Variants in HMCN1 observed in about 807,000 individuals in gnomAD.
HMCN1 encodes hemicentin-1.
A neutral mutation model predicts 625.9 loss-of-function variants in HMCN1; 321 were observed. The observed-to-expected ratio is 0.51, with a 90% CI of 0.47 to 0.56. The LOEUF (loss-of-function observed/expected upper bound fraction) is 0.56, where lower values mean the gene tolerates loss of function less well. Ranked by LOEUF, HMCN1 falls within the 20% of genes least tolerant of loss-of-function variation. The pLI, the probability that HMCN1 is intolerant of heterozygous loss-of-function variation, is 0.00. For synonymous variants in HMCN1, 2,425 were observed against 2,417.6 expected (o/e 1.00, Z -0.09); for missense variants, 6,588 against 6,887.3 (o/e 0.96, Z 1.54).
rs1488576001 is a variant in HMCN1, at chr1:186,041,021, T to C, written c.6189T>C (p.Ser2063=). Residue 2063 remains serine, a synonymous_variant, in exon 40 of 107, where the codon TCT becomes TCC. Transcript: ENST00000271588. ...GTTCTTACCATTGATAGGTTCTCTC[T>C]GGTGGTCGAATCCTAGCATTGACCA... The part of the protein sequence containing the change: ...SSFSNGLQVL[S]GGRILALTSA... 1 of 1,612,986 alleles carries C rather than the reference T, an allele frequency of 6.2e-7. No homozygotes were observed. The highest frequency in any genetic ancestry group is 1.3e-5 in the African/African-American group (1 of 74,972).
intron 76 of HMCN1, 102 bp downstream of exon 76, chr1:186,117,217 T>A (rs1204730705): frequency 2.0e-6 from 3 of 1,489,676 alleles, no homozygotes; most frequent in African/African-American, 2.8e-5. Flanking sequence ...TTTTAAACAT[T>A]TATTTTAAGT....
At chr1:185,952,916 G>A (rs980207441) in intron 11 of HMCN1, among the ~76,000 whole-genome samples, 7 of 149,370 alleles carry the variant, frequency 4.7e-5, no homozygotes, top group Non-Finnish European at 7.4e-5. Flanking sequence ...AGGTTGGGGT[G>A]CAGAAATAAG....
At chr1:186,025,798 GT>G (rs759874713) in intron 36 of HMCN1, among the ~76,000 whole-genome samples, 6 of 152,164 alleles carry the variant, frequency 3.9e-5, no homozygotes, top group Non-Finnish European at 7.3e-5. Flanking sequence ...GAAGCAGAAG[GT>G]TAGTCATTTT....
In HMCN1 at chr1:186,061,993, G is replaced by T. The variant is rs1384335358; in HGVS notation, c.7426+29G>T. On this transcript the variant is annotated intron_variant, in intron 47 of 106. Transcript: ENST00000271588. Reference sequence around the variant, plus strand: ...CTTATATAGTTTGCAATATCTAGAAGAAACTTAAATTGCCTTAAATCCTGG... The same window carrying T: ...CTTATATAGTTTGCAATATCTAGAATAAACTTAAATTGCCTTAAATCCTGG... 4 of 1,379,884 alleles carry T rather than the reference G, an allele frequency of 2.9e-6. No homozygotes were observed. In the Admixed American group the frequency reaches 5.1e-5, roughly 18 times the overall value. The allele number at this position is 1,379,884 out of a possible 1,614,324, so 85.5% of individuals were successfully genotyped here.
intron 11 of HMCN1, among the ~76,000 whole-genome samples, chr1:185,944,244 T>A (rs1313470518): frequency 6.6e-6 from 1 of 152,114 alleles, no homozygotes; most frequent in African/African-American, 2.4e-5. Flanking sequence ...ATGTTCTCGC[T>A]TATAAGTGCA....
At chr1:185,743,047 TG>T (rs1322233658) in intron 1 of HMCN1, among the ~76,000 whole-genome samples, 2 of 152,228 alleles carry the variant, frequency 1.3e-5, no homozygotes, top group African/African-American at 4.8e-5. Flanking sequence ...AATTTGACAT[TG>T]CTTATGATTT....
intron 12 of HMCN1, among the ~76,000 whole-genome samples, chr1:185,963,513 G>A (rs571817202): frequency 1.3e-5 from 2 of 152,160 alleles, no homozygotes; most frequent in South Asian, 4.1e-4. Context: ...TCATTAGGGT[G>A]AGGAAAATTT....
chr1:186,115,470 A>G lies in HMCN1; in HGVS notation c.11561+56A>G, dbSNP rs1031196794. The stretch of plus-strand genomic sequence containing the variant: ...TTTACAAACAGTTTGTAATGAATCA[A>G]CATTTTAATTCTATCAGTGGGGTCA... On this transcript the variant is annotated intron_variant, in intron 75 of 106. Coordinates refer to ENST00000271588, the MANE Select transcript of HMCN1 (RefSeq NM_031935.3). The G allele has an allele frequency of 3.3e-6, 5 of 1,499,056 alleles. No homozygotes were observed. In the African/African-American group the frequency reaches 5.5e-5, roughly 17 times the overall value. 92.9% of individuals were successfully genotyped at this position (1,499,056 alleles called of 1,614,324 possible). A position where few individuals can be genotyped will look rare whatever the true frequency, so the allele number is the denominator to read the frequency against.
intron 19 of HMCN1, among the ~76,000 whole-genome samples, chr1:185,985,751 T>A (rs1651961471): frequency 6.6e-6 from 1 of 152,200 alleles, no homozygotes; most frequent in Non-Finnish European, 1.5e-5. Context: ...TCTATACCTC[T>A]GTATTTATGT....
chr1:185,896,521 A>G (rs552273603), intron 4 of HMCN1, among the ~76,000 whole-genome samples: 7 of 152,346 alleles, frequency 4.6e-5, no homozygotes, highest in African/African-American at 1.7e-4. Context: ...TTTATTTTAC[A>G]TGTTTACATA....
intron 1 of HMCN1, among the ~76,000 whole-genome samples, chr1:185,803,205 C>CAAAAAA: frequency 1.9e-3 from 109 of 58,704 alleles, no homozygotes; most frequent in East Asian, 3.2e-3. Context: ...AAAAAAAAAG[C>CAAAAAA]AAAAAAAAAA....
chr1:185,829,390 C>T (rs566368733), intron 1 of HMCN1, among the ~76,000 whole-genome samples: 1 of 151,978 alleles, frequency 6.6e-6, no homozygotes, highest in South Asian at 2.1e-4. Context: ...CCTGTCTGTC[C>T]TCTAAGTTCG....
intron 52 of HMCN1, among the ~76,000 whole-genome samples, chr1:186,073,120 A>T (rs1558197138): frequency 6.6e-6 from 1 of 152,178 alleles, no homozygotes; most frequent in Non-Finnish European, 1.5e-5. Context: ...GAAGAGGTCT[A>T]AGGATTAAGC....
Position 185,962,587 on chromosome 1 carries a change from G to T in HMCN1, c.1898G>T (p.Cys633Phe). The T allele has an allele frequency of 6.2e-7, 1 of 1,604,284 alleles. No homozygotes were observed. Among genetic ancestry groups the T allele is most frequent in the Non-Finnish European group, 8.5e-7 (1 of 1,171,054 alleles). Residue 633 changes from cysteine to phenylalanine, a missense_variant, in exon 12 of 107, where the codon TGT becomes TTT. Around this residue, in one of 3 missense-constraint regions of HMCN1, gnomAD observed 4,628 missense variants for 4,853.1 expected, o/e 0.95. Coordinates refer to ENST00000271588, the MANE Select transcript of HMCN1 (RefSeq NM_031935.3). ...FTGGSEVSIM[C>F]SATGYPKPKI... ...GGAGGGTCTGAGGTCTCCATCATGT[G>T]TTCTGCAACAGGTTATCCCAAACCA... is the stretch of plus-strand genomic sequence containing the variant.
intron 8 of HMCN1, among the ~76,000 whole-genome samples, 181 bp from the exon 9 acceptor site, chr1:185,924,862 TCAAC>T (rs1488928643): frequency 6.6e-6 from 1 of 152,062 alleles, no homozygotes; most frequent in Admixed American, 6.6e-5. Context: ...TATCCAGAAA[TCAAC>T]CAATTTTGAA....
chr1:186,057,031 T>TCACACACACACACACACA (rs59926356), intron 45 of HMCN1, among the ~76,000 whole-genome samples: 4 of 147,934 alleles, frequency 2.7e-5, no homozygotes, highest in African/African-American at 1.0e-4. Context: ...TCCAGGAATG[T>TCACACACACACACACACA]CACACACACA....
chr1:186,057,482 T>C lies in HMCN1; in HGVS notation c.7312+81T>C, dbSNP rs1453150590. The C allele has an allele frequency of 3.0e-6, 3 of 999,324 alleles. No homozygotes were observed. In the African/African-American group the frequency reaches 4.8e-5, roughly 16 times the overall value. The allele number at this position is 999,324 out of a possible 1,614,324, so 61.9% of individuals were successfully genotyped here. A position where few individuals can be genotyped will look rare whatever the true frequency, so the allele number is the denominator to read the frequency against. ...CTCCTTAATTTCAAATTGCTCAGTG[T>C]TTTTATTGTTTTATTTTTTAACCTA... is the stretch of plus-strand genomic sequence containing the variant. On this transcript the variant is annotated intron_variant, in intron 46 of 106. Transcript: ENST00000271588.
chr1:185,888,070 AT>A (rs1664788488), intron 4 of HMCN1, among the ~76,000 whole-genome samples: 1 of 138,032 alleles, frequency 7.2e-6, no homozygotes, highest in African/African-American at 2.9e-5. Context: ...GATGATGAGC[AT>A]TTTTTCATGT....
chr1:185,743,582 A>G (rs1325580911), intron 1 of HMCN1, among the ~76,000 whole-genome samples: 2 of 152,334 alleles, frequency 1.3e-5, no homozygotes, highest in African/African-American at 4.8e-5. Context: ...CTGATTTCCA[A>G]GGAGCACTGT....
Sources: gnomAD v4.1 joint callset for allele counts (sites outside exome capture counted in the v4.1 genomes callset) on GRCh38, gnomAD v4.1.1 for gene constraint, gnomAD v4.1.1 regional missense constraint, MANE v1.5 for transcripts, NCBI Gene and HGNC (gene_info 2026-07-23, HGNC 2026-07-21) for gene names.